The following WNK1 variants were observed in gnomAD, a reference collection of about 807,000 sequenced individuals.
The protein encoded by WNK1 is WNK lysine deficient protein kinase 1.
In WNK1, 38 loss-of-function variants were observed where a neutral mutation model predicts 222.8. The ratio of observed to expected loss-of-function variants is 0.17; its 90% CI spans 0.13 to 0.22. The LOEUF (loss-of-function observed/expected upper bound fraction) is 0.22, where lower values mean the gene tolerates loss of function less well. WNK1 is among the 10% of genes least tolerant of loss of function. The pLI is 1.00. For missense variants in WNK1, 2,348 were observed against 2,918.4 expected (o/e 0.80, Z 4.50); for synonymous variants, 1,090 against 1,092.9 (o/e 1.00, Z 0.05).
intron 14 of WNK1, among the ~76,000 whole-genome samples, chr12:882,346 G>T (rs113230037): frequency 3.3e-5 from 5 of 151,878 alleles, no homozygotes; most frequent in African/African-American, 9.7e-5. Context: ...CTACAGACAC[G>T]TGCCACCACG....
At chr12:857,044 G>C (rs1592039440) in intron 4 of WNK1, 117 bp from the exon 5 acceptor site, 1 of 1,050,556 alleles carries the variant, frequency 9.5e-7, no homozygotes, top group East Asian at 2.6e-5. Flanking sequence ...CTGCAGGCGA[G>C]TCAGAAAAAA....
chr12:770,253 CG>C (rs1942312369), intron 1 of WNK1, among the ~76,000 whole-genome samples: 1 of 152,114 alleles, frequency 6.6e-6, no homozygotes, highest in African/African-American at 2.4e-5. Context: ...GGATTATAGG[CG>C]TGAGCCACTG....
Position 897,643 on chromosome 12 carries a change from G to C in WNK1, c.6410G>C (p.Arg2137Pro). 1 of 1,614,206 alleles carries C rather than the reference G, an allele frequency of 6.2e-7. No individual in the cohort carries two copies. The highest frequency in any genetic ancestry group is 8.5e-7 in the Non-Finnish European group (1 of 1,180,038). ...AAAAGCAAAGGCAGCAAATCTAGTC[G>C]AAGCAGTTCCTTGGGGAATAAAAGC... ...PTKSKGSKSS[R>P]SSSLGNKSPQ... The change falls in exon 25 of 28, where the codon CGA becomes CCA. Residue 2137 changes from arginine to proline, a missense_variant. By Grantham distance (103) the Arg-to-Pro change is moderately radical (BLOSUM62 -2). Transcript: ENST00000315939.
At chr12:832,101 C>T (rs867524497) in intron 4 of WNK1, among the ~76,000 whole-genome samples, 5 of 151,828 alleles carry the variant, frequency 3.3e-5, no homozygotes, top group Admixed American at 6.6e-5. Context: ...TTTGAGACGG[C>T]GTCTCGCTCT....
At position 753,889 on chromosome 12, in the gene WNK1, C is replaced by G. The variant is rs1427904835; in HGVS notation, c.324C>G (p.Pro108=). The change falls in exon 1 of 28, where the codon CCC becomes CCG. Residue 108 remains proline, a synonymous_variant. Transcript: ENST00000315939. This position sits in a 1 kb window ranked among gnomAD's most constrained non-coding sequence, Gnocchi z 5.2. Reference sequence around the variant, plus strand: ...TTTCCCTGCCCCAGCCCAGCATCCCCGCGGCTGTCCCGCAGAGTGCTCCAC... The same window carrying G: ...TTTCCCTGCCCCAGCCCAGCATCCCGGCGGCTGTCCCGCAGAGTGCTCCAC... ...LPLSLPQPSI[P]AAVPQSAPPE... 1.2e-6 allele frequency: 2 copies of G among 1,611,848 alleles called. No homozygotes were observed. Among genetic ancestry groups the G allele is most frequent in the Non-Finnish European group, 8.5e-7 (1 of 1,179,620 alleles).
intron 23 of WNK1, among the ~76,000 whole-genome samples, chr12:895,138 A>G (rs1157584597): frequency 6.6e-6 from 1 of 152,260 alleles, no homozygotes; most frequent in Non-Finnish European, 1.5e-5. Context: ...AACACATGAT[A>G]CCATATCACT....
chr12:757,617 C>T lies in WNK1; in HGVS notation c.759+3293C>T, dbSNP rs1345926054. Among the ~76,000 whole-genome samples the T allele has an allele frequency of 4.6e-5, 7 of 152,000 alleles. No homozygotes were observed. The East Asian group carries it at 1.2e-3, about 25-fold the overall frequency. ...CTGGTTTTATTAGACAAGTAGTGCA[C>T]CTTAATTTTAATATTTGGTTGTCTT... On this transcript the variant is annotated intron_variant, in intron 1 of 27. Transcript: ENST00000315939.
At chr12:797,666 C>T (rs999361373) in intron 1 of WNK1, among the ~76,000 whole-genome samples, 3 of 152,098 alleles carry the variant, frequency 2.0e-5, no homozygotes, top group Non-Finnish European at 2.9e-5. Context: ...ACTATCTGGC[C>T]AGGCGGCTGT....
At chr12:848,651 A>C (rs1429683829) in intron 4 of WNK1, among the ~76,000 whole-genome samples, 8 of 151,968 alleles carry the variant, frequency 5.3e-5, no homozygotes, top group Non-Finnish European at 1.2e-4. Flanking sequence ...ATTGTGGGGG[A>C]AGAAGCATCC....
At chr12:823,853 A>G (rs185126482) in intron 2 of WNK1, among the ~76,000 whole-genome samples, 19 of 151,924 alleles carry the variant, frequency 1.3e-4, no homozygotes, top group South Asian at 2.1e-4. Flanking sequence ...TTGGGCAAAA[A>G]TCAGTCACAA....
chr12:873,622 TAA>T (rs1840180631), intron 9 of WNK1, among the ~76,000 whole-genome samples: 1 of 152,234 alleles, frequency 6.6e-6, no homozygotes, highest in African/African-American at 2.4e-5. Flanking sequence ...TCTTCCATTT[TAA>T]ATAAAGTTCT....
intron 10 of WNK1, among the ~76,000 whole-genome samples, chr12:878,572 G>A (rs1024001179): frequency 2.6e-5 from 4 of 151,968 alleles, no homozygotes; most frequent in Middle Eastern, 3.2e-3. Context: ...AAATGGGTAC[G>A]TTACTGACAG....
rs1042878568 is a variant in WNK1, at chr12:862,423, A to G, written c.2139+153A>G. ...CTAAAGCCTTATTATAGAGTAGGAT[A>G]TAGACATTAATGTGTGGGCATTAGC... On this transcript the variant is annotated intron_variant, in intron 8 of 27. Transcript: ENST00000315939. Among the ~76,000 whole-genome samples the G allele has an allele frequency of 6.6e-5, 10 of 152,378 alleles. 2 individuals are homozygous for G. Among genetic ancestry groups the G allele is most frequent in the Admixed American group, 6.5e-4 (10 of 15,312 alleles).
At chr12:780,865 C>A (rs1179911047) in intron 1 of WNK1, among the ~76,000 whole-genome samples, 2 of 152,164 alleles carry the variant, frequency 1.3e-5, no homozygotes, top group African/African-American at 4.8e-5. Flanking sequence ...TATCCTCTCA[C>A]AGTCAAAAAG....
At chr12:864,025 AAC>A (rs1448766853) in intron 8 of WNK1, among the ~76,000 whole-genome samples, 1 of 152,136 alleles carries the variant, frequency 6.6e-6, no homozygotes, top group African/African-American at 2.4e-5. Flanking sequence ...AAAGGAAAAT[AAC>A]AGTCTTATTC....
At chr12:781,166 A>G (rs1011193876) in intron 1 of WNK1, 4 of 155,990 alleles carry the variant, frequency 2.6e-5, no homozygotes, top group African/African-American at 7.2e-5. Flanking sequence ...CTACTGTCCA[A>G]TGAGCACATA....
intron 5 of WNK1, 105 bp from the exon 6 acceptor site, chr12:859,140 A>C (rs887061428): frequency 2.0e-6 from 2 of 1,006,358 alleles, no homozygotes; most frequent in African/African-American, 3.2e-5. Flanking sequence ...ATTTTTTCCC[A>C]TTTTTTTCTT....
intron 22 of WNK1, among the ~76,000 whole-genome samples, chr12:891,644 C>T (rs1231416788): frequency 1.5e-5 from 2 of 137,472 alleles, no homozygotes; most frequent in Non-Finnish European, 1.5e-5. Context: ...TTAGTAATAA[C>T]AACTTGAGAA....
chr12:797,374 T>A (rs543459697), intron 1 of WNK1, among the ~76,000 whole-genome samples: 1 of 152,306 alleles, frequency 6.6e-6, no homozygotes, highest in African/African-American at 2.4e-5. Flanking sequence ...AACATCAGAT[T>A]AGTGGTTTTG....
Sources: allele counts gnomAD v4.1 joint callset (sites outside exome capture counted in the v4.1 genomes callset), GRCh38; gene constraint gnomAD v4.1.1; non-coding constraint Gnocchi (gnomAD v3.1); transcripts MANE v1.5; gene names NCBI Gene and HGNC (gene_info 2026-07-23, HGNC 2026-07-21).